TTC21B: variants seen among roughly 807,000 people sequenced by gnomAD.
TTC21B encodes the protein tetratricopeptide repeat domain 21B.
TTC21B carries 127 observed loss-of-function variants against 175.1 expected under a neutral mutation model. The observed-to-expected ratio is 0.73, with a 90% confidence interval of 0.63 to 0.84. The LOEUF (loss-of-function observed/expected upper bound fraction) is 0.84. Ranked by LOEUF, TTC21B falls within the 40% of genes least tolerant of loss-of-function variation. The probability of loss-of-function intolerance (pLI) is 0.00; values close to 1 mark genes in which losing one functional copy is unlikely to be tolerated. For missense variants in TTC21B, 1,561 were observed against 1,558.3 expected (o/e 1.00, Z -0.03); for synonymous variants, 524 against 524.5 (o/e 1.00, Z 0.01).
intron 14 of TTC21B, 96 bp downstream of exon 14, chr2:165,917,161 G>T: frequency 8.4e-7 from 1 of 1,189,956 alleles, no homozygotes; most frequent in East Asian, 2.4e-5. Flanking sequence ...TTACAGGTGT[G>T]AGCCACCATG....
chr2:165,905,933 A>T (rs773007752), intron 19 of TTC21B, among the ~76,000 whole-genome samples: 7 of 152,222 alleles, frequency 4.6e-5, no homozygotes, highest in Non-Finnish European at 1.0e-4. Context: ...ATTATAATGT[A>T]GGATGTAAAG....
intron 12 of TTC21B, among the ~76,000 whole-genome samples, chr2:165,923,442 C>G (rs78378997): frequency 7.7e-6 from 1 of 130,340 alleles, no homozygotes; most frequent in African/African-American, 2.8e-5. Flanking sequence ...ATATGATGGT[C>G]TTTTTTTTTT....
chr2:165,943,426 C>A, intron 4 of TTC21B, 85 bp from the exon 5 acceptor site: 14 of 1,053,556 alleles, frequency 1.3e-5, no homozygotes, highest in Admixed American at 2.2e-5. Context: ...ATTTTTCTGG[C>A]AATTAATAAC....
intron 1 of TTC21B, among the ~76,000 whole-genome samples, chr2:165,951,035 C>A (rs1397238810): frequency 6.6e-6 from 1 of 152,142 alleles, no homozygotes; most frequent in Non-Finnish European, 1.5e-5. Context: ...GCTCCCTAAC[C>A]TCCTTTTTAG....
At chr2:165,914,618 A>G (rs939989684) in intron 15 of TTC21B, among the ~76,000 whole-genome samples, 2 of 140,590 alleles carry the variant, frequency 1.4e-5, no homozygotes, top group South Asian at 2.3e-4. Flanking sequence ...GTATGCTTCT[A>G]TGTTTACCCT....
At chr2:165,927,246 TTATATATATATATATCCTAGTAGTTA>T (rs1410351565) in intron 11 of TTC21B, among the ~76,000 whole-genome samples, 110 of 2,294 alleles carry the variant, frequency 0.048, 7 homozygotes, top group African/African-American at 0.11. Context: ...ATCCTAGTAG[TTATATATATATATATCCTAGTAGTTA>T]TATATATATA....
At chr2:165,930,730 GGGGTGT>G (rs373666496) in intron 8 of TTC21B, among the ~76,000 whole-genome samples, 2,809 of 78,312 alleles carry the variant, frequency 0.036, 100 homozygotes, top group African/African-American at 0.072. Flanking sequence ...CGTGGGTATG[GGGGTGT>G]GTGTGTGTGT....
intron 12 of TTC21B, among the ~76,000 whole-genome samples, chr2:165,921,626 T>C (rs1686408608): frequency 6.6e-6 from 1 of 152,164 alleles, no homozygotes; most frequent in Non-Finnish European, 1.5e-5. Flanking sequence ...GGCTGGTGTC[T>C]GAAGTCAGGG....
At position 165,874,634 on chromosome 2, in the gene TTC21B, G is replaced by T; in HGVS notation, c.*121C>A. On this transcript the variant is annotated 3_prime_UTR_variant, in exon 29 of 29. Transcript: ENST00000243344. The stretch of plus-strand genomic sequence containing the variant: ...TGATGTACAGCAGCAACCTCTGCTG[G>T]AGAAAAAAGGGTATACTTCTAATAA... The T allele has an allele frequency of 1.2e-6, 1 of 856,248 alleles. No homozygotes were observed. The highest frequency in any genetic ancestry group is 2.1e-5 in the Admixed American group (1 of 47,576). 53.0% of individuals were successfully genotyped at this position (856,248 alleles called of 1,614,324 possible). A position where few individuals can be genotyped will look rare whatever the true frequency, so the allele number is the denominator to read the frequency against.
chr2:165,942,969 T>A (rs1281675171), intron 5 of TTC21B, among the ~76,000 whole-genome samples: 4 of 152,170 alleles, frequency 2.6e-5, no homozygotes, highest in Non-Finnish European at 5.9e-5. Context: ...GAGGAAAGAA[T>A]GTGTGAACCA....
chr2:165,911,412 G>C lies in TTC21B; in HGVS notation c.2376C>G (p.Cys792Trp). The change falls in exon 18 of 29, where the codon TGC becomes TGG. Residue 792 changes from cysteine (C) to tryptophan (W), a missense_variant. Transcript: ENST00000243344. ...ALKTGQKNYL[C>W]YDLAELLLKL... ...TTAATAAGAGCTCAGCCAGGTCATA[G>C]CAAAGATAATTCTTTTGTCCAGTTT... 1 of 1,613,848 alleles carries C rather than the reference G, an allele frequency of 6.2e-7. No individual in the cohort carries two copies. Among genetic ancestry groups the C allele is most frequent in the South Asian group, 1.1e-5 (1 of 91,078 alleles).
intron 25 of TTC21B, 58 bp from the exon 26 acceptor site, chr2:165,884,076 A>T: frequency 7.3e-7 from 1 of 1,368,268 alleles, no homozygotes; most frequent in Non-Finnish European, 1.0e-6. Context: ...CCCCAAAAAC[A>T]TACAGAAAGC....
intron 15 of TTC21B, among the ~76,000 whole-genome samples, chr2:165,914,758 T>C (rs1395578814): frequency 2.0e-5 from 3 of 147,444 alleles, no homozygotes; most frequent in Non-Finnish European, 4.5e-5. Flanking sequence ...TCATGCTCTT[T>C]CACCAAGAAA....
intron 20 of TTC21B, 21 bp from the exon 21 acceptor site, chr2:165,899,901 T>A (rs752508166): frequency 7.0e-7 from 1 of 1,436,974 alleles, no homozygotes; most frequent in Non-Finnish European, 9.8e-7. Flanking sequence ...AAGGGCTAGA[T>A]TCATCAGACA....
Position 165,916,237 on chromosome 2 carries a change from G to A in TTC21B, c.1900-798C>T, listed in dbSNP as rs927387754. Among the ~76,000 whole-genome samples, 51 of 152,254 alleles carry A rather than the reference G, an allele frequency of 3.3e-4. 1 individual carries two copies. Among genetic ancestry groups the A allele is most frequent in the African/African-American group, 1.1e-3 (47 of 41,564 alleles). The stretch of plus-strand genomic sequence containing the variant: ...ATGATTGTATCACTGGATGCCAGCT[G>A]AGGAGACAGAGTGAGACCTTATCAC... On this transcript the variant is annotated intron_variant, in intron 14 of 28. Coordinates refer to ENST00000243344, the MANE Select transcript of TTC21B (RefSeq NM_024753.5).
chr2:165,920,812 A>AAATATTTTGAAATATTTTAAATATTT (rs1559060471), intron 12 of TTC21B, among the ~76,000 whole-genome samples: 31 of 152,224 alleles, frequency 2.0e-4, no homozygotes, highest in African/African-American at 3.1e-4. Context: ...TAAATATTTA[A>AAATATTTTGAAATATTTTAAATATTT]AAATGAGAAG....
intron 22 of TTC21B, 30 bp from the exon 23 acceptor site, chr2:165,891,018 C>T (rs182587607): frequency 1.8e-4 from 290 of 1,570,542 alleles, no homozygotes; most frequent in Admixed American, 9.5e-4. Flanking sequence ...CAGATATGGG[C>T]ACCATTTTAT....
intron 3 of TTC21B, chr2:165,947,077 T>C (rs1212833254): frequency 1.3e-5 from 2 of 149,220 alleles, no homozygotes; most frequent in African/African-American, 2.5e-5. Flanking sequence ...GCATAATTGC[T>C]GTTATAGTTT....
chr2:165,911,901 T>C (rs7557378), intron 17 of TTC21B, among the ~76,000 whole-genome samples: 2 of 152,054 alleles, frequency 1.3e-5, no homozygotes, highest in Non-Finnish European at 2.9e-5. Flanking sequence ...CTGAACTCAA[T>C]TGATCCACCC....
Sources: allele counts gnomAD v4.1 joint callset (sites outside exome capture counted in the v4.1 genomes callset), GRCh38; gene constraint gnomAD v4.1.1; transcripts MANE v1.5; gene names NCBI Gene and HGNC (gene_info 2026-07-23, HGNC 2026-07-21).